Variants in PIEZO1 observed in about 807,000 individuals in gnomAD.
PIEZO1 encodes the protein piezo type mechanosensitive ion channel component 1 (Er blood group).
PIEZO1 carries 296 observed loss-of-function variants against 297.2 expected under a neutral mutation model. The ratio of observed to expected loss-of-function variants is 1.00; its 90% CI spans 0.91 to 1.10. The LOEUF (loss-of-function observed/expected upper bound fraction) is 1.10, where lower values mean the gene tolerates loss of function less well. Ranked by LOEUF, PIEZO1 falls within the 50% of genes least tolerant of loss-of-function variation. The pLI, the probability that PIEZO1 is intolerant of heterozygous loss-of-function variation, is 0.00. For synonymous variants in PIEZO1, 2,427 were observed against 1,507.5 expected, an observed-to-expected ratio of 1.61 and a Z score of -14.13; for missense variants, 5,018 against 3,455.5, an observed-to-expected ratio of 1.45 and a Z score of -11.34.
intron 35 of PIEZO1, 85 bp from the exon 36 acceptor site, chr16:88,722,482 C>T (rs1032269585): frequency 1.7e-5 from 25 of 1,437,104 alleles, no homozygotes; most frequent in East Asian, 1.5e-4. Context: ...AAAGTGCCCA[C>T]GGTCCTTTGG....
chr16:88,726,196 G>A (rs1904417075), intron 27 of PIEZO1, 88 bp downstream of exon 27: 12 of 1,159,282 alleles, frequency 1.0e-5, no homozygotes, highest in Non-Finnish European at 1.3e-5. Flanking sequence ...CCCTCCACGG[G>A]CCGGGGCCTG....
At position 88,716,055 on chromosome 16, in the gene PIEZO1, G is replaced by A. The variant is rs189107499; in HGVS notation, c.7194C>T (p.Thr2398=). The change falls in exon 50 of 51, where the codon ACC becomes ACT. Residue 2398 remains threonine (T), a synonymous_variant. Coordinates refer to ENST00000301015, the MANE Select transcript of PIEZO1 (RefSeq NM_001142864.4). The part of the protein sequence containing the change: ...QLRREQGAGA[T]GFLEWWVIEL... Reference sequence around the variant, plus strand: ...CGATGACCCACCATTCGAGGAAGCCGGTGGCCCCCGCACCCTGCTCCCTCC... The same window carrying A: ...CGATGACCCACCATTCGAGGAAGCCAGTGGCCCCCGCACCCTGCTCCCTCC... 1.5e-3 allele frequency: 2,256 copies of A among 1,550,220 alleles called. 31 individuals carry two copies. The African/African-American group carries it at 0.027, about 18-fold the overall frequency.
intron 12 of PIEZO1, among the ~76,000 whole-genome samples, chr16:88,735,489 TCACA>T (rs1158306400): frequency 6.6e-6 from 1 of 152,186 alleles, no homozygotes; most frequent in Non-Finnish European, 1.5e-5. Context: ...ACACGCAGAG[TCACA>T]CACGGGTTCA....
chr16:88,736,238 G>A lies in PIEZO1; in HGVS notation c.1467C>T (p.Arg489=), dbSNP rs976311680. Residue 489 remains arginine, a synonymous_variant, in exon 12 of 51, where the codon CGC becomes CGT. Transcript: ENST00000301015. ...CLRYVWAMDL[R]PELPTTLGPV... ...GGCCCAGGGTGGTGGGCAGCTCAGG[G>A]CGCAGGTCCATGGCCCACACGTAGC... 2 of 1,550,066 alleles carry A rather than the reference G, an allele frequency of 1.3e-6. No homozygotes were observed. The highest frequency in any genetic ancestry group is 1.4e-5 in the African/African-American group (1 of 73,136).
At position 88,727,567 on chromosome 16, in the gene PIEZO1, G is replaced by A; in HGVS notation, c.3291C>T (p.Thr1097=). 6.8e-7 allele frequency: 1 copy of A among 1,470,400 alleles called. No homozygotes were observed. The highest frequency in any genetic ancestry group is 9.2e-7 in the Non-Finnish European group (1 of 1,082,166). 91.1% of individuals were successfully genotyped at this position (1,470,400 alleles called of 1,614,324 possible). Residue 1097 remains threonine (T), a synonymous_variant, in exon 23 of 51, where the codon ACC becomes ACT. Transcript: ENST00000301015. ...LPDFFRAPNS[T]NLISDFLLLL... ...GTGGGGGGCACTCACTGATGAGGTT[G>A]GTGGAGTTGGGGGCCCGGAAGAAAT...
At chr16:88,733,217 C>T (rs534608064) in intron 19 of PIEZO1, 61 bp downstream of exon 19, 37 of 1,435,664 alleles carry the variant, frequency 2.6e-5, no homozygotes, top group Admixed American at 4.1e-5. Flanking sequence ...CCAGGAGGGT[C>T]GGGCTGCGAA....
At chr16:88,725,751 C>A in intron 27 of PIEZO1, 67 bp from the exon 28 acceptor site, 1 of 840,504 alleles carries the variant, frequency 1.2e-6, no homozygotes, top group South Asian at 1.5e-5. Context: ...GCAGCCGCCG[C>A]TCCCCGCTCA....
chr16:88,748,216 G>C (rs934135432), intron 2 of PIEZO1, among the ~76,000 whole-genome samples: 7 of 76,474 alleles, frequency 9.2e-5, no homozygotes, highest in Non-Finnish European at 1.7e-4. Context: ...GGAGGGCCCG[G>C]CCCCACCCAC....
chr16:88,731,829 T>C lies in PIEZO1; in HGVS notation c.3073A>G (p.Ile1025Val), dbSNP rs1904834666. The change falls in exon 22 of 51, where the codon ATC becomes GTC. Residue 1025 changes from isoleucine (I) to valine (V), a missense_variant. Transcript: ENST00000301015. The stretch of plus-strand genomic sequence containing the variant: ...GCCTGGCGGTGCCTGCGGGTGAGGA[T>C]GGCCACCAGCCAGCAACCGTGCAGG... ...VTLHGCWLVAILTRRHRQAIA... is the reference protein window; with the variant it reads ...VTLHGCWLVAVLTRRHRQAIA... 2.4e-6 allele frequency: 3 copies of C among 1,274,378 alleles called. No homozygotes were observed. The highest frequency in any genetic ancestry group is 4.1e-5 in the East Asian group (1 of 24,658). 78.9% of individuals were successfully genotyped at this position (1,274,378 alleles called of 1,614,324 possible).
chr16:88,776,076 C>T (rs530092389), intron 1 of PIEZO1, among the ~76,000 whole-genome samples: 2 of 152,328 alleles, frequency 1.3e-5, no homozygotes, highest in East Asian at 3.9e-4. Flanking sequence ...AGCGCAGGGG[C>T]AGTTTCCTTT....
chr16:88,734,114 G>C, intron 16 of PIEZO1, 60 bp from the exon 17 acceptor site: 1 of 1,464,572 alleles, frequency 6.8e-7, no homozygotes, highest in Non-Finnish European at 9.1e-7. Flanking sequence ...ATTTCCTGGG[G>C]CTGGAAGAAG....
intron 21 of PIEZO1, 87 bp from the exon 22 acceptor site, chr16:88,731,997 C>A (rs978048890): frequency 9.9e-5 from 2 of 20,238 alleles, no homozygotes; most frequent in Non-Finnish European, 8.9e-5. Flanking sequence ...CTCAGGCTTG[C>A]AGCAGCCCTG....
Position 88,749,400 on chromosome 16 carries a change from G to A in PIEZO1, c.144C>T (p.Thr48=). Residue 48 remains threonine, a synonymous_variant, in exon 2 of 51, where the codon ACC becomes ACT. Coordinates refer to ENST00000301015, the MANE Select transcript of PIEZO1 (RefSeq NM_001142864.4). ...LLLLPWFPGP[T]RCGLQGHTGR... is the part of the protein sequence containing the mutation. Reference sequence around the variant, plus strand: ...TGGCCTTACCTTGGAGGCCGCATCGGGTGGGGCCGGGGAACCAGGGCAGCA... The same window carrying A: ...TGGCCTTACCTTGGAGGCCGCATCGAGTGGGGCCGGGGAACCAGGGCAGCA... 9.9e-6 allele frequency: 15 copies of A among 1,515,866 alleles called. No homozygotes were observed. The highest frequency in any genetic ancestry group is 1.2e-5 in the Non-Finnish European group (14 of 1,138,840). The allele number at this position is 1,515,866 out of a possible 1,614,324, so 93.9% of individuals were successfully genotyped here. A position where few individuals can be genotyped will look rare whatever the true frequency, so the allele number is the denominator to read the frequency against.
At chr16:88,719,399 G>A in intron 44 of PIEZO1, 175 bp downstream of exon 44, 1 of 622,642 alleles carries the variant, frequency 1.6e-6, no homozygotes, top group South Asian at 1.9e-5. Context: ...ACTCGCAGCT[G>A]CCAAGATCAC....
chr16:88,777,972 A>G (rs535735930), intron 1 of PIEZO1, among the ~76,000 whole-genome samples: 22 of 152,328 alleles, frequency 1.4e-4, no homozygotes, highest in African/African-American at 4.6e-4. Context: ...TCCCTCCCGC[A>G]TGGCCCTCCA....
intron 44 of PIEZO1, chr16:88,718,587 G>A (rs1029895905): frequency 6.6e-6 from 1 of 152,272 alleles, no homozygotes; most frequent in South Asian, 2.1e-4. Context: ...GACAAACGCT[G>A]TCTGAGCCTG....
rs1361990306 is a variant in PIEZO1 at position 88,723,924 on chromosome 16, C to T, written c.4282G>A (p.Glu1428Lys). 5 of 1,549,852 alleles carry T rather than the reference C, an allele frequency of 3.2e-6. No individual in the cohort carries two copies. The East Asian group carries it at 1.2e-4, about 38-fold the overall frequency. ...YFLFESDSEE[E>K]EEAVPEDPRP... ...GGGTCTTCAGGAACAGCCTCCTCCT[C>T]TTCCTCACTGTCGGACTCAAACAGG... is the stretch of plus-strand genomic sequence containing the variant. The change falls in exon 31 of 51, where the codon GAG (glutamate) becomes AAG (lysine). Residue 1428 changes from glutamate (E) to lysine (K), a missense_variant. Coordinates refer to ENST00000301015, the MANE Select transcript of PIEZO1 (RefSeq NM_001142864.4).
chr16:88,781,758 G>A (rs1468645070), intron 1 of PIEZO1, among the ~76,000 whole-genome samples: 1 of 152,262 alleles, frequency 6.6e-6, no homozygotes, highest in South Asian at 2.1e-4. Context: ...ACTGTGAGCC[G>A]AGTGCCTGCT....
At chr16:88,751,869 C>T (rs747507508) in intron 1 of PIEZO1, among the ~76,000 whole-genome samples, 2 of 152,148 alleles carry the variant, frequency 1.3e-5, no homozygotes, top group Non-Finnish European at 2.9e-5. Flanking sequence ...TCCATGCATC[C>T]GTCAGAGCAG....
Sources: allele counts gnomAD v4.1 joint callset (sites outside exome capture counted in the v4.1 genomes callset), GRCh38; gene constraint gnomAD v4.1.1; transcripts MANE v1.5; gene names NCBI Gene and HGNC (gene_info 2026-07-23, HGNC 2026-07-21).